The following ANKRD35 variants were observed in gnomAD, a reference collection of about 807,000 sequenced individuals.
ANKRD35 encodes the protein ankyrin repeat domain 35.
Under a neutral mutation model 109.9 loss-of-function variants are expected in ANKRD35, and 102 were observed. The ratio of observed to expected loss-of-function variants is 0.93; its 90% CI spans 0.79 to 1.09. The LOEUF (loss-of-function observed/expected upper bound fraction) is 1.09. Ranked by LOEUF, ANKRD35 falls within the 50% of genes least tolerant of loss-of-function variation. ANKRD35 has a pLI of 0.00. For synonymous variants in ANKRD35, 515 were observed against 512.4 expected, an observed-to-expected ratio of 1.01 and a Z score of -0.07; for missense variants, 1,240 against 1,230.1, an observed-to-expected ratio of 1.01 and a Z score of -0.12.
In ANKRD35 at chr1:145,867,318, A is replaced by G. The variant is rs1553737885; in HGVS notation, c.*12T>C. ...GAATCTCGTATCCCTGAGGGCACACAGTGAGGCTGCCTCACTCCTCTTCCA... is the reference window on the plus strand; with the variant it reads ...GAATCTCGTATCCCTGAGGGCACACGGTGAGGCTGCCTCACTCCTCTTCCA... On this transcript the variant is annotated 3_prime_UTR_variant, in exon 13 of 14. Coordinates refer to ENST00000355594, the MANE Select transcript of ANKRD35 (RefSeq NM_144698.5). 6.2e-7 allele frequency: 1 copy of G among 1,613,122 alleles called. No homozygotes were observed. Among genetic ancestry groups the G allele is most frequent in the South Asian group, 1.1e-5 (1 of 91,046 alleles).
intron 1 of ANKRD35, 88 bp downstream of exon 1, chr1:145,885,632 G>A (rs1200536289): frequency 7.0e-7 from 1 of 1,421,060 alleles, no homozygotes; most frequent in African/African-American, 1.4e-5. Context: ...AAAAGAAAAG[G>A]CGATGATGCA....
At position 145,873,281 on chromosome 1, in the gene ANKRD35, C is replaced by T. The variant is rs1653921654; in HGVS notation, c.1488G>A (p.Arg496=). The change falls in exon 10 of 14, where the codon AGG becomes AGA. Residue 496 remains arginine, a synonymous_variant. Coordinates refer to ENST00000355594, the MANE Select transcript of ANKRD35 (RefSeq NM_144698.5). ...CTCGCCACACTGCAGCAAGCTCCTCCCTTAGTTGAAGCAGAAGCTGGTTCA... is the reference window on the plus strand; with the variant it reads ...CTCGCCACACTGCAGCAAGCTCCTCTCTTAGTTGAAGCAGAAGCTGGTTCA... ...AAMNQLLLQL[R]EELAAVWREK... is the part of the protein sequence containing the mutation. 6.2e-7 allele frequency: 1 copy of T among 1,614,072 alleles called. No individual in the cohort carries two copies. Among genetic ancestry groups the T allele is most frequent in the South Asian group, 1.1e-5 (1 of 91,094 alleles).
Position 145,868,307 on chromosome 1 carries a change from A to G in ANKRD35, c.2877+4T>C. ...CAGCACCATCCCTGACAGCCAAAACATACCTGCAGCTGCAGGGCAAGGCGA... is the reference window on the plus strand; with the variant it reads ...CAGCACCATCCCTGACAGCCAAAACGTACCTGCAGCTGCAGGGCAAGGCGA... On this transcript the variant is annotated splice_donor_region_variant and intron_variant, in intron 11 of 13. Transcript: ENST00000355594. 6.2e-7 allele frequency: 1 copy of G among 1,614,062 alleles called. No homozygotes were observed. Among genetic ancestry groups the G allele is most frequent in the Non-Finnish European group, 8.5e-7 (1 of 1,179,950 alleles).
At chr1:145,884,245 G>A (rs186939145) in intron 1 of ANKRD35, among the ~76,000 whole-genome samples, 1 of 152,330 alleles carries the variant, frequency 6.6e-6, no homozygotes, top group Admixed American at 6.5e-5. Flanking sequence ...GACTGAGTCT[G>A]GGCAGCCTCA....
intron 10 of ANKRD35, 26 bp from the exon 11 acceptor site, chr1:145,868,426 C>T: frequency 6.2e-7 from 1 of 1,605,216 alleles, no homozygotes; most frequent in South Asian, 1.1e-5. Flanking sequence ...AAGAGGCAAC[C>T]AATGAGGCTC....
rs1653881912 is a variant in ANKRD35 at position 145,872,635 on chromosome 1, G to C, written c.2134C>G (p.Leu712Val). 1 of 1,613,892 alleles carries C rather than the reference G, an allele frequency of 6.2e-7. No individual in the cohort carries two copies. Among genetic ancestry groups the C allele is most frequent in the Non-Finnish European group, 8.5e-7 (1 of 1,179,970 alleles). Reference protein sequence around the residue: ...RGLWDCLPADLVGERSAQSKA... With the variant: ...RGLWDCLPADVVGERSAQSKA... ...CTTTGTGCACTCCTCTCGCCCACTA[G>C]GTCTGCGGGCAGGCAGTCCCACAGC... is the stretch of plus-strand genomic sequence containing the variant. The change falls in exon 10 of 14, where the codon CTA becomes GTA. Residue 712 changes from leucine (L) to valine (V), a missense_variant. Physicochemically the swap from Leu to Val is conservative, Grantham distance 32. Coordinates refer to ENST00000355594, the MANE Select transcript of ANKRD35 (RefSeq NM_144698.5).
chr1:145,871,938 A>G, intron 10 of ANKRD35, 44 bp downstream of exon 10: 4 of 1,598,170 alleles, frequency 2.5e-6, no homozygotes, highest in Non-Finnish European at 3.4e-6. Context: ...CCAAATACAC[A>G]GAAACTTTCC....
chr1:145,869,967 T>C (rs1297085278), intron 10 of ANKRD35, among the ~76,000 whole-genome samples: 1 of 152,194 alleles, frequency 6.6e-6, no homozygotes, highest in Non-Finnish European at 1.5e-5. Flanking sequence ...GATGAGTCCT[T>C]ATGGCTTATT....
At chr1:145,883,938 G>T (rs1654388532) in intron 1 of ANKRD35, among the ~76,000 whole-genome samples, 1 of 152,114 alleles carries the variant, frequency 6.6e-6, no homozygotes. Flanking sequence ...ATTATAGTAA[G>T]ATCTTGTTAT....
chr1:145,867,793 G>A (rs1653662302), intron 12 of ANKRD35, among the ~76,000 whole-genome samples, 198 bp downstream of exon 12: 1 of 151,870 alleles, frequency 6.6e-6, no homozygotes, highest in Non-Finnish European at 1.5e-5. Flanking sequence ...AAACAGAGGG[G>A]GAAACACCTC....
Position 145,872,357 on chromosome 1 carries a change from G to A in ANKRD35, c.2412C>T (p.Ser804=). Residue 804 remains serine, a synonymous_variant, in exon 10 of 14, where the codon AGC becomes AGT. Coordinates refer to ENST00000355594, the MANE Select transcript of ANKRD35 (RefSeq NM_144698.5). ...RAVQATMSGK[S]QEIGKLKQLL... ...GCTGCTTCAGCTTTCCGATCTCCTG[G>A]CTCTTCCCGCTCATCGTGGCCTGAA... The A allele has an allele frequency of 6.2e-7, 1 of 1,612,636 alleles. No homozygotes were observed. Among genetic ancestry groups the A allele is most frequent in the Non-Finnish European group, 8.5e-7 (1 of 1,179,310 alleles).
chr1:145,868,498 C>T lies in ANKRD35; in HGVS notation c.2788-98G>A, dbSNP rs1264818689. ...CTTTTACTGAGTATTTAATATGTGC[C>T]AATTTTATACAAATTGTCTCATTTA... On this transcript the variant is annotated intron_variant, in intron 10 of 13. Coordinates refer to ENST00000355594, the MANE Select transcript of ANKRD35 (RefSeq NM_144698.5). The T allele has an allele frequency of 3.2e-6, 3 of 923,838 alleles. No individual in the cohort carries two copies. The African/African-American group carries it at 5.0e-5, about 15-fold the overall frequency. The allele number at this position is 923,838 out of a possible 1,614,324, so 57.2% of individuals were successfully genotyped here. A position where few individuals can be genotyped will look rare whatever the true frequency, so the allele number is the denominator to read the frequency against.
At position 145,872,869 on chromosome 1, in the gene ANKRD35, A is replaced by C. The variant is rs1476180394; in HGVS notation, c.1900T>G (p.Leu634Val). Residue 634 changes from leucine (L) to valine (V), a missense_variant, in exon 10 of 14, where the codon TTG (leucine) becomes GTG (valine). Physicochemically the swap from Leu to Val is conservative, Grantham distance 32. Transcript: ENST00000355594. ...NSNLLEELGELGRERQRLQRE... is the reference protein window; with the variant it reads ...NSNLLEELGEVGRERQRLQRE... ...TGCAACCTCTGCCGCTCCCGCCCCA[A>C]CTCCCCTAACTCCTCCAGCAAGTTA... 2 of 1,613,260 alleles carry C rather than the reference A, an allele frequency of 1.2e-6. No homozygotes were observed. The highest frequency in any genetic ancestry group is 1.7e-6 in the Non-Finnish European group (2 of 1,179,840).
At chr1:145,875,318 T>C (rs1654027577) in intron 7 of ANKRD35, among the ~76,000 whole-genome samples, 1 of 151,576 alleles carries the variant, frequency 6.6e-6, no homozygotes, top group Non-Finnish European at 1.5e-5. Flanking sequence ...GCTAATTTTG[T>C]ATTTTTAGTA....
chr1:145,873,518 A>C lies in ANKRD35; in HGVS notation c.1251T>G (p.His417Gln). The C allele has an allele frequency of 6.2e-7, 1 of 1,613,908 alleles. No homozygotes were observed. The highest frequency in any genetic ancestry group is 8.5e-7 in the Non-Finnish European group (1 of 1,179,958). The change falls in exon 10 of 14, where the codon CAT becomes CAG. Residue 417 changes from histidine (H) to glutamine (Q), a missense_variant. By Grantham distance (24) the His-to-Gln change is conservative. Coordinates refer to ENST00000355594, the MANE Select transcript of ANKRD35 (RefSeq NM_144698.5). Reference sequence around the variant, plus strand: ...CCTGTTCTTCTGGTTGGGACCTTCCATGGACTTCATACTGGATCTTTCCTG... The same window carrying C: ...CCTGTTCTTCTGGTTGGGACCTTCCCTGGACTTCATACTGGATCTTTCCTG... ...SAPGKIQYEVHGRSQPEEQGP... is the reference protein window; with the variant it reads ...SAPGKIQYEVQGRSQPEEQGP...
In ANKRD35 at chr1:145,873,482, C is replaced by T. The variant is rs782806997; in HGVS notation, c.1287G>A (p.Gln429=). Residue 429 remains glutamine, a synonymous_variant, in exon 10 of 14, where the codon CAG becomes CAA. Transcript: ENST00000355594. ...RSQPEEQGPP[Q]SPASETIRKA... is the part of the protein sequence containing the mutation. Reference sequence around the variant, plus strand: ...TCCTGATGGTCTCAGACGCTGGGCTCTGGGGTGGCCCCTGTTCTTCTGGTT... The same window carrying T: ...TCCTGATGGTCTCAGACGCTGGGCTTTGGGGTGGCCCCTGTTCTTCTGGTT... The T allele has an allele frequency of 2.5e-6, 4 of 1,614,030 alleles. No homozygotes were observed. Among genetic ancestry groups the T allele is most frequent in the South Asian group, 2.2e-5 (2 of 91,072 alleles).
intron 12 of ANKRD35, among the ~76,000 whole-genome samples, chr1:145,867,640 A>T (rs6673186): frequency 6.6e-6 from 1 of 151,930 alleles, no homozygotes; most frequent in African/African-American, 2.4e-5. Flanking sequence ...ATAGGTGTTC[A>T]TTCCATTCTT....
intron 1 of ANKRD35, among the ~76,000 whole-genome samples, chr1:145,883,361 A>T (rs1346771174): frequency 2.6e-5 from 4 of 152,220 alleles, no homozygotes; most frequent in African/African-American, 9.6e-5. Context: ...CTGGGATTAC[A>T]GGCGTGAGCC....
chr1:145,883,264 T>C (rs1654360576), intron 1 of ANKRD35, among the ~76,000 whole-genome samples: 2 of 152,090 alleles, frequency 1.3e-5, no homozygotes, highest in Admixed American at 1.3e-4. Context: ...TTTGTATTTT[T>C]AGTAGAGATA....
Sources: gnomAD v4.1 joint callset for allele counts (sites outside exome capture counted in the v4.1 genomes callset) on GRCh38, gnomAD v4.1.1 for gene constraint, MANE v1.5 for transcripts, NCBI Gene and HGNC (gene_info 2026-07-23, HGNC 2026-07-21) for gene names.